The following GRM6 variants were observed in gnomAD, a reference collection of about 807,000 sequenced individuals.
The protein encoded by GRM6 is glutamate metabotropic receptor 6.
GRM6 carries 73 observed loss-of-function variants against 78.4 expected under a neutral mutation model. The observed-to-expected ratio is 0.93, with a 90% confidence interval of 0.77 to 1.13. GRM6 has a LOEUF of 1.13. Among genes scored for constraint, GRM6 ranks in the 50% most tolerant of loss-of-function variants. The probability of loss-of-function intolerance (pLI) is 0.00; values close to 1 mark genes in which losing one functional copy is unlikely to be tolerated. For missense variants in GRM6, 1,251 were observed against 1,256.4 expected, an observed-to-expected ratio of 1.00 and a Z score of 0.07; for synonymous variants, 580 against 555.0, an observed-to-expected ratio of 1.05 and a Z score of -0.63.
chr5:178,987,742 A>G (rs532749464), intron 7 of GRM6, among the ~76,000 whole-genome samples: 1 of 152,256 alleles, frequency 6.6e-6, no homozygotes, highest in East Asian at 1.9e-4. Context: ...TGATGGTTGC[A>G]TAACATTGTG....
Position 178,981,375 on chromosome 5 carries a change from T to C in GRM6, c.*282A>G. On this transcript the variant is annotated 3_prime_UTR_variant, in exon 11 of 11. Transcript: ENST00000517717. The surrounding 1 kb of genome is among the most constrained non-coding windows in gnomAD (Gnocchi z 5.1). Reference sequence around the variant, plus strand: ...CCTCTTTGGACTTCGGATGAGAGAATAAGTTTAGTCCCTTTCTAGAGCTAG... The same window carrying C: ...CCTCTTTGGACTTCGGATGAGAGAACAAGTTTAGTCCCTTTCTAGAGCTAG... 2.3e-6 allele frequency: 1 copy of C among 433,654 alleles called. No individual in the cohort carries two copies. The highest frequency in any genetic ancestry group is 4.2e-6 in the Non-Finnish European group (1 of 237,592). 26.9% of individuals were successfully genotyped at this position (433,654 alleles called of 1,614,324 possible). A position where few individuals can be genotyped will look rare whatever the true frequency, so the allele number is the denominator to read the frequency against.
intron 5 of GRM6, chr5:178,989,706 CATTT>C: frequency 6.9e-5 from 34 of 491,394 alleles, no homozygotes; most frequent in Admixed American, 2.0e-4. Context: ...AGAGCCTCAC[CATTT>C]GAAAGACTTT....
At position 178,992,124 on chromosome 5, in the gene GRM6, A is replaced by C. The variant is rs1554114261; in HGVS notation, c.505-41T>G. ...GACAGCTGGGCTGTGGATGGAGGTC[A>C]GTAACTCAAGAGAGGGAGGGTAAGG... On this transcript the variant is annotated intron_variant, in intron 2 of 10. Transcript: ENST00000517717. This position sits in a 1 kb window ranked among gnomAD's most constrained non-coding sequence, Gnocchi z 4.9. 7.0e-7 allele frequency: 1 copy of C among 1,427,016 alleles called. No homozygotes were observed. The highest frequency in any genetic ancestry group is 1.2e-5 in the South Asian group (1 of 86,654). 88.4% of individuals were successfully genotyped at this position (1,427,016 alleles called of 1,614,324 possible).
Position 178,994,948 on chromosome 5 carries a change from C to T in GRM6, c.-4G>A. 1 of 1,173,726 alleles carries T rather than the reference C, an allele frequency of 8.5e-7. No individual in the cohort carries two copies. Among genetic ancestry groups the T allele is most frequent in the Non-Finnish European group, 1.1e-6 (1 of 950,672 alleles). 72.7% of individuals were successfully genotyped at this position (1,173,726 alleles called of 1,614,324 possible). ...GGGCTCTCCGGGGCCGCGCCATCGG[C>T]TCGTCTAGCGGGCTGCGGGGAGACA... On this transcript the variant is annotated 5_prime_UTR_variant, in exon 2 of 11. Transcript: ENST00000517717.
rs972405711 is a variant in GRM6, at chr5:178,988,698, T to C, written c.1354+237A>G. ...TCCTGGCAGAAGGGATCAGAGAAGCTCCCCAGCATCTGAACTGTGCAAACC... is the reference window on the plus strand; with the variant it reads ...TCCTGGCAGAAGGGATCAGAGAAGCCCCCCAGCATCTGAACTGTGCAAACC... On this transcript the variant is annotated intron_variant, in intron 7 of 10. Coordinates refer to ENST00000517717, the MANE Select transcript of GRM6 (RefSeq NM_000843.4). This position sits in a 1 kb window ranked among gnomAD's most constrained non-coding sequence, Gnocchi z 6.0. Among the ~76,000 whole-genome samples, 2 of 151,978 alleles carry C rather than the reference T, an allele frequency of 1.3e-5. No homozygotes were observed. The highest frequency in any genetic ancestry group is 4.8e-5 in the African/African-American group (2 of 41,368).
At chr5:178,987,314 A>C (rs199521237) in intron 7 of GRM6, 6 of 510,646 alleles carry the variant, frequency 1.2e-5, no homozygotes, top group Non-Finnish European at 2.3e-5. Context: ...TCCCGGGTAG[A>C]TACTCGAGAG....
intron 9 of GRM6, chr5:178,985,520 G>C (rs557252275): frequency 8.9e-6 from 3 of 337,154 alleles, no homozygotes; most frequent in South Asian, 2.3e-5. Context: ...TGGCTAACAC[G>C]GTGAAGCCCT....
chr5:178,986,556 G>C lies in GRM6; in HGVS notation c.1698C>G (p.Pro566=). The change falls in exon 9 of 11, where the codon CCC becomes CCG. Residue 566 remains proline (P), a synonymous_variant. Coordinates refer to ENST00000517717, the MANE Select transcript of GRM6 (RefSeq NM_000843.4). ...GTGTGGGGCGGCAGCCCGTGTGGTTGGGCGTGGGCCTCATGTCCCCAGGAC... is the reference window on the plus strand; with the variant it reads ...GTGTGGGGCGGCAGCCCGTGTGGTTCGGCGTGGGCCTCATGTCCCCAGGAC... ...EACPGDMRPT[P]NHTGCRPTPV... is the part of the protein sequence containing the mutation. 6.2e-7 allele frequency: 1 copy of C among 1,607,758 alleles called. No homozygotes were observed. The highest frequency in any genetic ancestry group is 1.1e-5 in the South Asian group (1 of 91,066).
At chr5:178,993,378 G>T (rs1175096426) in intron 2 of GRM6, among the ~76,000 whole-genome samples, 2 of 152,090 alleles carry the variant, frequency 1.3e-5, no homozygotes, top group African/African-American at 4.8e-5. Context: ...CATACAGGTG[G>T]GTGAAAAACC....
At chr5:178,989,229 ACCCTC>A in intron 6 of GRM6, 31 bp downstream of exon 6, 8 of 926,760 alleles carry the variant, frequency 8.6e-6, no homozygotes, top group African/African-American at 3.6e-5. Context: ...CACCCTCCCC[ACCCTC>A]CCCACCCTCA....
Position 178,978,336 on chromosome 5 carries a change from A to G in GRM6, c.*3321T>C, listed in dbSNP as rs1311315483. On this transcript the variant is annotated 3_prime_UTR_variant, in exon 11 of 11. Transcript: ENST00000517717. ...AAGACCTAAGTCAAACTTTTGGGAA[A>G]AGTTAAATTTATTGAACAGGAAGTA... is the stretch of plus-strand genomic sequence containing the variant. The G allele has an allele frequency of 6.6e-6, 1 of 152,258 alleles. No individual in the cohort carries two copies. The highest frequency in any genetic ancestry group is 1.5e-5 in the Non-Finnish European group (1 of 68,052). 9.4% of individuals were successfully genotyped at this position (152,258 alleles called of 1,614,324 possible). A position where few individuals can be genotyped will look rare whatever the true frequency, so the allele number is the denominator to read the frequency against.
chr5:178,982,923 T>A lies in GRM6; in HGVS notation c.2423A>T (p.Gln808Leu). 6.2e-7 allele frequency: 1 copy of A among 1,613,672 alleles called. No homozygotes were observed. Among genetic ancestry groups the A allele is most frequent in the East Asian group, 2.2e-5 (1 of 44,876 alleles). ...AFVPIFFGTA[Q>L]SAEKIYIQTT... Reference sequence around the variant, plus strand: ...GGACCTCATTACCTTTTCAGCTGACTGGGCAGTGCCAAAGAAGATGGGCAC... The same window carrying A: ...GGACCTCATTACCTTTTCAGCTGACAGGGCAGTGCCAAAGAAGATGGGCAC... The change falls in exon 10 of 11, where the codon CAG (glutamine) becomes CTG (leucine). Residue 808 changes from glutamine (Q) to leucine (L), a missense_variant. Coordinates refer to ENST00000517717, the MANE Select transcript of GRM6 (RefSeq NM_000843.4).
rs539344838 is a variant in GRM6 at position 178,980,280 on chromosome 5, G to A, written c.*1377C>T. The A allele has an allele frequency of 4.1e-4, 63 of 154,476 alleles. No homozygotes were observed. The highest frequency in any genetic ancestry group is 1.5e-3 in the African/African-American group (62 of 41,606). 9.6% of individuals were successfully genotyped at this position (154,476 alleles called of 1,614,324 possible). On this transcript the variant is annotated 3_prime_UTR_variant, in exon 11 of 11. Coordinates refer to ENST00000517717, the MANE Select transcript of GRM6 (RefSeq NM_000843.4). The surrounding 1 kb of genome is among the most constrained non-coding windows in gnomAD (Gnocchi z 4.3). The stretch of plus-strand genomic sequence containing the variant: ...TTAACAAATGTAAATTCTACTCCCA[G>A]GGACATAAAACTCCATAACTTAAAC...
chr5:178,987,300 C>T (rs1044916626), intron 7 of GRM6: 1 of 530,136 alleles, frequency 1.9e-6, no homozygotes, highest in African/African-American at 1.9e-5. Context: ...CCCAGCAGTT[C>T]CACTCCCGGG....
At chr5:178,990,085 T>C in intron 5 of GRM6, 1 of 204,404 alleles carries the variant, frequency 4.9e-6, no homozygotes. Flanking sequence ...TTCCAGGGTC[T>C]GTGTTTCATA....
rs2113304978 is a variant in GRM6, at chr5:178,979,258, A to G, written c.*2399T>C. The G allele has an allele frequency of 6.6e-6, 1 of 152,348 alleles. No individual in the cohort carries two copies. The highest frequency in any genetic ancestry group is 2.1e-4 in the South Asian group (1 of 4,824). 9.4% of individuals were successfully genotyped at this position (152,348 alleles called of 1,614,324 possible). A position where few individuals can be genotyped will look rare whatever the true frequency, so the allele number is the denominator to read the frequency against. On this transcript the variant is annotated 3_prime_UTR_variant, in exon 11 of 11. Transcript: ENST00000517717. Reference sequence around the variant, plus strand: ...TATCTCGAAAAAATAAAATAATAACATAAAGAAATGATCACAGGCAGAAAC... The same window carrying G: ...TATCTCGAAAAAATAAAATAATAACGTAAAGAAATGATCACAGGCAGAAAC...
intron 9 of GRM6, 72 bp from the exon 10 acceptor site, chr5:178,983,293 C>G (rs894217184): frequency 2.2e-6 from 3 of 1,355,358 alleles, no homozygotes; most frequent in Non-Finnish European, 3.1e-6. Context: ...GACAGAGGCC[C>G]CTGCGGGTCA....
Position 178,980,122 on chromosome 5 carries a change from G to A in GRM6, c.*1535C>T, listed in dbSNP as rs148522208. On this transcript the variant is annotated 3_prime_UTR_variant, in exon 11 of 11. Coordinates refer to ENST00000517717, the MANE Select transcript of GRM6 (RefSeq NM_000843.4). This position sits in a 1 kb window ranked among gnomAD's most constrained non-coding sequence, Gnocchi z 4.3. ...AACCTGCAGAAGCACCTAGTCCCAC[G>A]GTCAAAACCAACTGCGCACCAGAGA... 757 of 154,380 alleles carry A rather than the reference G, an allele frequency of 4.9e-3. 4 individuals are homozygous for A. Among genetic ancestry groups the A allele is most frequent in the African/African-American group, 0.018 (730 of 41,588 alleles). The allele number at this position is 154,380 out of a possible 1,614,324, so 9.6% of individuals were successfully genotyped here.
At position 178,979,461 on chromosome 5, in the gene GRM6, A is replaced by C. The variant is rs1760345377; in HGVS notation, c.*2196T>G. On this transcript the variant is annotated 3_prime_UTR_variant, in exon 11 of 11. Coordinates refer to ENST00000517717, the MANE Select transcript of GRM6 (RefSeq NM_000843.4). Reference sequence around the variant, plus strand: ...CATGCTGTGGAGATACCCTGCAAGTAGACCGAATGTGAGAAAGCCACAGGA... The same window carrying C: ...CATGCTGTGGAGATACCCTGCAAGTCGACCGAATGTGAGAAAGCCACAGGA... 1.3e-5 allele frequency: 2 copies of C among 152,264 alleles called. No individual in the cohort carries two copies. Among genetic ancestry groups the C allele is most frequent in the Non-Finnish European group, 2.9e-5 (2 of 68,058 alleles). 9.4% of individuals were successfully genotyped at this position (152,264 alleles called of 1,614,324 possible).
Sources: gnomAD v4.1 joint callset for allele counts (sites outside exome capture counted in the v4.1 genomes callset) on GRCh38, gnomAD v4.1.1 for gene constraint, Gnocchi (gnomAD v3.1) non-coding constraint, MANE v1.5 for transcripts, NCBI Gene and HGNC (gene_info 2026-07-23, HGNC 2026-07-21) for gene names.